The following MYLK4 variants were observed in gnomAD, a reference collection of about 807,000 sequenced individuals.
MYLK4 encodes the protein myosin light chain kinase family member 4.
MYLK4 carries 46 observed loss-of-function variants against 48.1 expected under a neutral mutation model. That is an observed-to-expected ratio of 0.96 (90% confidence interval 0.75 to 1.22). MYLK4 has a LOEUF of 1.22. Among genes scored for constraint, MYLK4 ranks in the 50% most tolerant of loss-of-function variants. The pLI, the probability that MYLK4 is intolerant of heterozygous loss-of-function variation, is 0.00. For missense variants in MYLK4, 451 were observed against 486.1 expected (o/e 0.93, Z 0.68); for synonymous variants, 170 against 180.8 (o/e 0.94, Z 0.48).
chr6:2,762,826 C>A, the MYLK4 span, among the ~76,000 whole-genome samples: 7 of 152,162 alleles, frequency 4.6e-5, no homozygotes, highest in African/African-American at 9.7e-5. Context: ...GGTCTTAGGT[C>A]AGCATCTCTT....
chr6:2,695,187 T>C (rs903795655), intron 2 of MYLK4, among the ~76,000 whole-genome samples: 2 of 152,186 alleles, frequency 1.3e-5, no homozygotes, highest in Non-Finnish European at 1.5e-5. Flanking sequence ...GTTTTATAAC[T>C]GTCTTTCAGT....
At chr6:2,763,471 T>C in the MYLK4 span, among the ~76,000 whole-genome samples, 1 of 152,186 alleles carries the variant, frequency 6.6e-6, no homozygotes, top group Non-Finnish European at 1.5e-5. Context: ...AGCCTTGCGC[T>C]GCGTGGAGGC....
chr6:2,690,112 C>G (rs932298900), intron 3 of MYLK4, among the ~76,000 whole-genome samples: 3 of 152,150 alleles, frequency 2.0e-5, no homozygotes, highest in Non-Finnish European at 4.4e-5. Context: ...GTTAAAAAGC[C>G]TTAAAAGGCC....
intron 2 of MYLK4, among the ~76,000 whole-genome samples, chr6:2,698,519 A>G (rs912625535): frequency 1.3e-5 from 2 of 152,198 alleles, no homozygotes; most frequent in African/African-American, 4.8e-5. Context: ...CCTGAATAAC[A>G]GTTTTGCATA....
upstream of MYLK4, among the ~76,000 whole-genome samples, chr6:2,753,386 G>A (rs542005003): frequency 2.6e-5 from 4 of 152,240 alleles, no homozygotes; most frequent in South Asian, 2.1e-4. Context: ...ACACAAAAGC[G>A]GAGCAACAGT....
the MYLK4 span, among the ~76,000 whole-genome samples, chr6:2,760,912 TA>T: frequency 6.6e-6 from 1 of 152,142 alleles, no homozygotes; most frequent in Admixed American, 6.6e-5. Context: ...GAGTTTGGGT[TA>T]GGGGGCAGTA....
chr6:2,707,306 T>G (rs1049307061), intron 2 of MYLK4, among the ~76,000 whole-genome samples: 1 of 152,222 alleles, frequency 6.6e-6, no homozygotes, highest in Non-Finnish European at 1.5e-5. Context: ...ATACTTGAAT[T>G]TCACATTTAA....
chr6:2,690,847 T>TTTTTTA (rs1761758013), intron 3 of MYLK4, among the ~76,000 whole-genome samples: 1 of 134,432 alleles, frequency 7.4e-6, no homozygotes, highest in African/African-American at 2.8e-5. Flanking sequence ...TTTTTTTTTT[T>TTTTTTA]GAGACCGAGT....
At position 2,685,465 on chromosome 6, in the gene MYLK4, A is replaced by G; in HGVS notation, c.435+18T>C. 2 of 1,609,178 alleles carry G rather than the reference A, an allele frequency of 1.2e-6. No homozygotes were observed. The highest frequency in any genetic ancestry group is 1.7e-6 in the Non-Finnish European group (2 of 1,175,674). ...AGATGGGGCGGGGAGGGAGGGGACC[A>G]CCTCCCACAGGCTGTACCTTGTCCT... On this transcript the variant is annotated intron_variant, in intron 5 of 12. Transcript: ENST00000274643. This position sits in a 1 kb window ranked among gnomAD's most constrained non-coding sequence, Gnocchi z 4.5.
chr6:2,736,863 T>C (rs1763694091), intron 2 of MYLK4, among the ~76,000 whole-genome samples: 2 of 152,214 alleles, frequency 1.3e-5, no homozygotes, highest in African/African-American at 4.8e-5. Flanking sequence ...TCCTGCCCCT[T>C]TTGTTAGTAA....
intron 3 of MYLK4, among the ~76,000 whole-genome samples, chr6:2,691,787 G>A (rs1384977582): frequency 1.3e-5 from 2 of 152,118 alleles, no homozygotes; most frequent in Non-Finnish European, 2.9e-5. Flanking sequence ...CAAAATGCCT[G>A]AAAATATCAC....
intron 2 of MYLK4, among the ~76,000 whole-genome samples, chr6:2,698,392 G>A (rs1762150057): frequency 6.6e-6 from 1 of 152,236 alleles, no homozygotes; most frequent in African/African-American, 2.4e-5. Context: ...AAACTCGGAA[G>A]TGTATTTAAA....
Position 2,685,214 on chromosome 6 carries a change from C to T in MYLK4, c.545+82G>A, listed in dbSNP as rs73717403. The T allele has an allele frequency of 4.2e-3, 4,178 of 1,001,392 alleles. 119 individuals carry two copies. In the African/African-American group the frequency reaches 0.059, roughly 14 times the overall value. The allele number at this position is 1,001,392 out of a possible 1,614,324, so 62.0% of individuals were successfully genotyped here. On this transcript the variant is annotated intron_variant, in intron 6 of 12. Coordinates refer to ENST00000274643, the MANE Select transcript of MYLK4 (RefSeq NM_001012418.5). This position sits in a 1 kb window ranked among gnomAD's most constrained non-coding sequence, Gnocchi z 4.5. ...GGCGAGCTTGGTTCTGGTCCCGCTA[C>T]AGCAGGACGGAGCTACTGAGGCACG...
chr6:2,763,005 A>G, the MYLK4 span, among the ~76,000 whole-genome samples: 1 of 152,198 alleles, frequency 6.6e-6, no homozygotes, highest in African/African-American at 2.4e-5. Context: ...AGCAAAAGAA[A>G]GCCAAGCGGG....
chr6:2,696,105 A>G (rs1762050183), intron 2 of MYLK4, among the ~76,000 whole-genome samples: 3 of 152,178 alleles, frequency 2.0e-5, no homozygotes, highest in Admixed American at 2.0e-4. Flanking sequence ...TTCCTTTTAT[A>G]ATAATTTATC....
rs138944257 is a variant in MYLK4 at position 2,684,579 on chromosome 6, C to T, written c.545+717G>A. ...TTCTGTTTCCACAGGTTCAAACAAT[C>T]GTAAATCAAAATGTTTGACCAAAAA... On this transcript the variant is annotated intron_variant, in intron 6 of 12. Transcript: ENST00000274643. 5.3e-5 allele frequency among the ~76,000 whole-genome samples: 8 copies of T among 152,060 alleles called. No homozygotes were observed. The East Asian group carries it at 7.7e-4, about 15-fold the overall frequency.
chr6:2,719,215 C>T (rs534242577), intron 2 of MYLK4, among the ~76,000 whole-genome samples: 48 of 152,064 alleles, frequency 3.2e-4, no homozygotes, highest in Non-Finnish European at 4.0e-4. Flanking sequence ...CCCACATACA[C>T]GAAAAAACAC....
rs765527288 is a variant in MYLK4 at position 2,678,195 on chromosome 6, G to A, written c.1040+25C>T. On this transcript the variant is annotated intron_variant, in intron 10 of 12. Coordinates refer to ENST00000274643, the MANE Select transcript of MYLK4 (RefSeq NM_001012418.5). ...CTTCCTTATCATCCCTACTGCGCCC[G>A]GAGCACAGGACGAACTTGCGTTACC... 2.1e-5 allele frequency: 34 copies of A among 1,610,262 alleles called. No individual in the cohort carries two copies. The Admixed American group carries it at 2.2e-4, about 10-fold the overall frequency.
chr6:2,764,687 G>A, the MYLK4 span, among the ~76,000 whole-genome samples: 1 of 152,166 alleles, frequency 6.6e-6, no homozygotes, highest in South Asian at 2.1e-4. Flanking sequence ...TCATTTGGTT[G>A]CTAAGGAGAC....
Sources: allele counts gnomAD v4.1 joint callset (sites outside exome capture counted in the v4.1 genomes callset), GRCh38; gene constraint gnomAD v4.1.1; non-coding constraint Gnocchi (gnomAD v3.1); transcripts MANE v1.5; gene names NCBI Gene and HGNC (gene_info 2026-07-23, HGNC 2026-07-21).